SENP7: variants seen among roughly 807,000 people sequenced by gnomAD.
SENP7 encodes the protein SUMO specific peptidase 7.
SENP7 carries 64 observed loss-of-function variants against 141.2 expected under a neutral mutation model. The ratio of observed to expected loss-of-function variants is 0.45; its 90% CI spans 0.37 to 0.56. SENP7 has a LOEUF of 0.56. Ranked by LOEUF, SENP7 falls within the 20% of genes least tolerant of loss-of-function variation. The probability of loss-of-function intolerance (pLI) is 0.00; values close to 1 mark genes in which losing one functional copy is unlikely to be tolerated. For missense variants in SENP7, 1,025 were observed against 1,212.2 expected, an observed-to-expected ratio of 0.85 and a Z score of 2.29; for synonymous variants, 382 against 426.4, an observed-to-expected ratio of 0.90 and a Z score of 1.28.
Position 101,341,574 on chromosome 3 carries a change from C to T in SENP7, c.2240+72G>A, listed in dbSNP as rs961805423. 87 of 1,277,306 alleles carry T rather than the reference C, an allele frequency of 6.8e-5. 1 individual carries two copies. The East Asian group carries it at 2.4e-3, about 35-fold the overall frequency. The allele number at this position is 1,277,306 out of a possible 1,614,324, so 79.1% of individuals were successfully genotyped here. A position where few individuals can be genotyped will look rare whatever the true frequency, so the allele number is the denominator to read the frequency against. ...TTAAAACATTTCAAAAGTTAAACTA[C>T]TGAAAAGCAGCAACATGAATAAAAA... is the stretch of plus-strand genomic sequence containing the variant. On this transcript the variant is annotated intron_variant, in intron 15 of 23. Transcript: ENST00000394095.
chr3:101,452,419 C>T (rs1284972194), intron 4 of SENP7, among the ~76,000 whole-genome samples: 3 of 152,078 alleles, frequency 2.0e-5, no homozygotes, highest in Admixed American at 1.3e-4. Flanking sequence ...CAATCCTAAG[C>T]CAAAAGAACA....
In SENP7 at chr3:101,417,640, T is replaced by C. The variant is rs756687303; in HGVS notation, c.435A>G (p.Thr145=). The part of the protein sequence containing the change: ...LPSTSVDSLE[T]CQKLEPLRQS... The stretch of plus-strand genomic sequence containing the variant: ...GGCGAAGAGGTTCTAATTTTTGACA[T>C]GTCTCTAGGCTGTCAACAGATGTCG... The change falls in exon 5 of 24, where the codon ACA becomes ACG. Residue 145 remains threonine, a synonymous_variant. Transcript: ENST00000394095. The C allele has an allele frequency of 1.1e-5, 18 of 1,613,886 alleles. No homozygotes were observed. Among genetic ancestry groups the C allele is most frequent in the Admixed American group, 3.3e-5 (2 of 60,000 alleles).
At chr3:101,354,687 T>C (rs1455987476) in intron 11 of SENP7, among the ~76,000 whole-genome samples, 2 of 152,120 alleles carry the variant, frequency 1.3e-5, no homozygotes, top group Non-Finnish European at 2.9e-5. Context: ...CTATTATGAA[T>C]AGTGCTGCAA....
intron 13 of SENP7, among the ~76,000 whole-genome samples, chr3:101,344,222 A>T (rs555034926): frequency 5.9e-5 from 9 of 152,334 alleles, no homozygotes; most frequent in Non-Finnish European, 1.0e-4. Flanking sequence ...ATTTAGTAAT[A>T]AACATTTGTT....
chr3:101,414,959 A>G (rs1300148864), intron 5 of SENP7, among the ~76,000 whole-genome samples: 5 of 152,184 alleles, frequency 3.3e-5, no homozygotes, highest in Admixed American at 3.3e-4. Flanking sequence ...TCTTCTTACT[A>G]CACAGGTACC....
chr3:101,400,242 A>T lies in SENP7; in HGVS notation c.483-1187T>A, dbSNP rs534246653. 2.0e-5 allele frequency among the ~76,000 whole-genome samples: 3 copies of T among 152,266 alleles called. 1 individual carries two copies. The highest frequency in any genetic ancestry group is 7.2e-5 in the African/African-American group (3 of 41,548). The stretch of plus-strand genomic sequence containing the variant: ...CTCCTCTTTATTAGATGCCCAGTTG[A>T]CTGTTATCAATATGCCACTAGCAAT... On this transcript the variant is annotated intron_variant, in intron 5 of 23. Transcript: ENST00000394095.
chr3:101,405,539 T>C (rs1040652656), intron 5 of SENP7, among the ~76,000 whole-genome samples: 2 of 151,896 alleles, frequency 1.3e-5, no homozygotes, highest in Non-Finnish European at 2.9e-5. Context: ...CTCTGAAAAA[T>C]CATACTAGCT....
rs1321101051 is a variant in SENP7, at chr3:101,325,506, A to G, written c.*437T>C. On this transcript the variant is annotated 3_prime_UTR_variant, in exon 24 of 24. Coordinates refer to ENST00000394095, the MANE Select transcript of SENP7 (RefSeq NM_020654.5). The stretch of plus-strand genomic sequence containing the variant: ...TATTCATACTGCATGCTTGAGCTGC[A>G]AAGAATAGAATTACAATATGATGTG... The G allele has an allele frequency of 2.0e-5, 3 of 152,602 alleles. No homozygotes were observed. Among genetic ancestry groups the G allele is most frequent in the Non-Finnish European group, 4.4e-5 (3 of 68,056 alleles). The allele number at this position is 152,602 out of a possible 1,614,324, so 9.5% of individuals were successfully genotyped here.
chr3:101,386,773 C>A (rs1351446123), intron 6 of SENP7, among the ~76,000 whole-genome samples: 1 of 152,238 alleles, frequency 6.6e-6, no homozygotes, highest in Non-Finnish European at 1.5e-5. Flanking sequence ...TGCCTAGGCA[C>A]TAACAGCAAC....
chr3:101,479,820 T>C lies in SENP7; in HGVS notation c.186+14053A>G, dbSNP rs1041971320. Among the ~76,000 whole-genome samples the C allele has an allele frequency of 2.8e-5, 3 of 108,544 alleles. No individual in the cohort carries two copies. The East Asian group carries it at 8.0e-4, about 29-fold the overall frequency. 71.2% of individuals were successfully genotyped at this position (108,544 alleles called of 152,430 possible). ...ACTCTGTCAAAAAAAAAAAAAAAAG[T>C]AGTGATTTTATACACCAACAATGAA... On this transcript the variant is annotated intron_variant, in intron 3 of 23. Transcript: ENST00000394095.
chr3:101,345,305 T>A (rs2059429860), intron 13 of SENP7, among the ~76,000 whole-genome samples: 1 of 152,176 alleles, frequency 6.6e-6, no homozygotes, highest in Non-Finnish European at 1.5e-5. Context: ...TTTGGCAGTA[T>A]GGTCATTTGC....
At chr3:101,494,083 T>C (rs1176432234) in intron 2 of SENP7, 115 bp from the exon 3 acceptor site, 9 of 500,232 alleles carry the variant, frequency 1.8e-5, no homozygotes, top group Non-Finnish European at 3.2e-5. Context: ...TTTTAAGGAG[T>C]TTTAAATTCA....
chr3:101,501,956 C>T (rs2065399638), intron 1 of SENP7, among the ~76,000 whole-genome samples: 1 of 152,158 alleles, frequency 6.6e-6, no homozygotes, highest in Non-Finnish European at 1.5e-5. Flanking sequence ...CCCTTGACTA[C>T]CTCACACCAT....
At position 101,337,951 on chromosome 3, in the gene SENP7, G is replaced by A. The variant is rs145349677; in HGVS notation, c.2358-320C>T. Among the ~76,000 whole-genome samples, 415 of 152,068 alleles carry A rather than the reference G, an allele frequency of 2.7e-3. 6 individuals are homozygous for A. The highest frequency in any genetic ancestry group is 0.016 in the East Asian group (83 of 5,166). On this transcript the variant is annotated intron_variant, in intron 16 of 23. Transcript: ENST00000394095. ...GGGCAGATCACGAGGTCAAGAGATC[G>A]AGACCATTCTGACCAACATGGTGAA...
intron 17 of SENP7, among the ~76,000 whole-genome samples, chr3:101,336,633 G>A (rs868399940): frequency 6.6e-6 from 1 of 152,164 alleles, no homozygotes; most frequent in African/African-American, 2.4e-5. Context: ...TAAAGCAGTA[G>A]AGAAATGTTT....
At chr3:101,412,509 A>C (rs1013662586) in intron 5 of SENP7, among the ~76,000 whole-genome samples, 2 of 152,092 alleles carry the variant, frequency 1.3e-5, no homozygotes, top group African/African-American at 4.8e-5. Context: ...TGCAATATCC[A>C]AATAGTTTTA....
rs1268425859 is a variant in SENP7 at position 101,325,877 on chromosome 3, A to G, written c.*66T>C. On this transcript the variant is annotated 3_prime_UTR_variant, in exon 24 of 24. Coordinates refer to ENST00000394095, the MANE Select transcript of SENP7 (RefSeq NM_020654.5). ...TTTTCTTCTCTGTGAGCTGGCTAAC[A>G]CAAATGCTGGTAAGAGGCTTTCCAG... 3.4e-6 allele frequency: 5 copies of G among 1,460,240 alleles called. No homozygotes were observed. The highest frequency in any genetic ancestry group is 4.6e-6 in the Non-Finnish European group (5 of 1,092,376). The allele number at this position is 1,460,240 out of a possible 1,614,324, so 90.5% of individuals were successfully genotyped here.
At chr3:101,480,261 A>G (rs2108025977) in intron 3 of SENP7, among the ~76,000 whole-genome samples, 1 of 152,292 alleles carries the variant, frequency 6.6e-6, no homozygotes, top group South Asian at 2.1e-4. Context: ...ATACTACCTG[A>G]CTTCAAACTA....
chr3:101,377,505 T>C (rs909722848), intron 6 of SENP7, among the ~76,000 whole-genome samples: 2 of 152,192 alleles, frequency 1.3e-5, no homozygotes, highest in Non-Finnish European at 2.9e-5. Context: ...TCGCACACTT[T>C]TGTGAGTTTT....
Sources: allele counts gnomAD v4.1 joint callset (sites outside exome capture counted in the v4.1 genomes callset), GRCh38; gene constraint gnomAD v4.1.1; transcripts MANE v1.5; gene names NCBI Gene and HGNC (gene_info 2026-07-23, HGNC 2026-07-21).